ASIC3: variants seen among roughly 807,000 people sequenced by gnomAD.
ASIC3 encodes the protein acid sensing ion channel subunit 3, also known as acid-sensing ion channel 3.
In ASIC3, 46 loss-of-function variants were observed where a neutral mutation model predicts 58.6. The observed-to-expected ratio is 0.79, with a 90% CI of 0.62 to 1.00. The LOEUF (loss-of-function observed/expected upper bound fraction) is 1.00, where lower values mean the gene tolerates loss of function less well. Among genes scored for constraint, ASIC3 ranks in the 50% least tolerant of loss-of-function variants. The pLI, the probability that ASIC3 is intolerant of heterozygous loss-of-function variation, is 0.00. For synonymous variants in ASIC3, 336 were observed against 300.2 expected (o/e 1.12, Z -1.23); for missense variants, 770 against 735.0 (o/e 1.05, Z -0.55).
chr7:151,049,558 A>AC (rs1796717658), intron 1 of ASIC3, 139 bp downstream of exon 1: 9 of 1,033,938 alleles, frequency 8.7e-6, no homozygotes, highest in African/African-American at 6.5e-5. Context: ...TGGACTCCCC[A>AC]CCCCCCAGTG....
chr7:151,051,135 C>T (rs1796765624), intron 5 of ASIC3, 37 bp from the exon 6 acceptor site: 4 of 1,599,936 alleles, frequency 2.5e-6, no homozygotes, highest in Admixed American at 1.7e-5. Context: ...CGCCCCGCTC[C>T]GCCCGCGGGC....
intron 6 of ASIC3, among the ~76,000 whole-genome samples, chr7:151,051,531 CCTTTT>C (rs1175683382): frequency 8.4e-5 from 12 of 142,402 alleles, no homozygotes; most frequent in Non-Finnish European, 1.5e-4. Context: ...TTTTTCCTTT[CCTTTT>C]ATTTTTTAAT....
At position 151,049,252 on chromosome 7, in the gene ASIC3, G is replaced by T; in HGVS notation, c.367G>T (p.Ala123Ser). 1 of 1,612,000 alleles carries T rather than the reference G, an allele frequency of 6.2e-7. No individual in the cohort carries two copies. ...GCTGGGCCTGGATCCCGCAGAGCAC[G>T]CCGCCTTCCTGCGCGCCCTGGGCCG... ...ALLGLDPAEH[A>S]AFLRALGRPP... The change falls in exon 1 of 11, where the codon GCC becomes TCC. Residue 123 changes from alanine (A) to serine (S), a missense_variant. Ala to Ser is a moderately conservative substitution (Grantham distance 99). Coordinates refer to ENST00000349064, the MANE Select transcript of ASIC3 (RefSeq NM_004769.4).
intron 1 of ASIC3, among the ~76,000 whole-genome samples, chr7:151,049,650 G>A (rs1374704119): frequency 6.6e-6 from 1 of 152,192 alleles, no homozygotes; most frequent in Non-Finnish European, 1.5e-5. Context: ...AGGCCACACT[G>A]ACCCCGGCTG....
intron 5 of ASIC3, 27 bp from the exon 6 acceptor site, chr7:151,051,145 C>T: frequency 6.3e-7 from 1 of 1,597,710 alleles, no homozygotes; most frequent in Middle Eastern, 1.7e-4. Flanking sequence ...CGCCCGCGGG[C>T]GTCTGACGCG....
chr7:151,051,393 G>C, intron 6 of ASIC3, 74 bp downstream of exon 6: 1 of 1,402,550 alleles, frequency 7.1e-7, no homozygotes, highest in Non-Finnish European at 9.2e-7. Flanking sequence ...AGGCCAGGCC[G>C]TAGCCCTAGT....
intron 6 of ASIC3, 148 bp downstream of exon 6, chr7:151,051,467 C>T: frequency 9.4e-7 from 1 of 1,066,902 alleles, no homozygotes; most frequent in Non-Finnish European, 1.3e-6. Context: ...GTGCTGGTTG[C>T]TTAATCTTTC....
Position 151,051,172 on chromosome 7 carries a change from A to T in ASIC3, c.1067A>T (p.Asp356Val). ...TCTGACGCGGCCCGGTGGCCCGCAG[A>T]TGCCATGCTTCGCAAGGACTCGTGC... ...QYKNCAHPAI[D>V]AMLRKDSCAC... Residue 356 changes from aspartate to valine, a missense_variant and splice_region_variant, in exon 6 of 11, where the codon GAT becomes GTT. Coordinates refer to ENST00000349064, the MANE Select transcript of ASIC3 (RefSeq NM_004769.4). 3 of 1,594,942 alleles carry T rather than the reference A, an allele frequency of 1.9e-6. No individual in the cohort carries two copies. In the East Asian group the frequency reaches 6.8e-5, roughly 36 times the overall value.
rs1448134162 is a variant in ASIC3 at position 151,051,179 on chromosome 7, G to A, written c.1074G>A (p.Met358Ile). 1 of 1,593,818 alleles carries A rather than the reference G, an allele frequency of 6.3e-7. No individual in the cohort carries two copies. The highest frequency in any genetic ancestry group is 1.1e-5 in the South Asian group (1 of 89,788). Reference protein sequence around the residue: ...KNCAHPAIDAMLRKDSCACPN... With the variant: ...KNCAHPAIDAILRKDSCACPN... Reference sequence around the variant, plus strand: ...CGGCCCGGTGGCCCGCAGATGCCATGCTTCGCAAGGACTCGTGCGCCTGCC... The same window carrying A: ...CGGCCCGGTGGCCCGCAGATGCCATACTTCGCAAGGACTCGTGCGCCTGCC... Residue 358 changes from methionine to isoleucine, a missense_variant, in exon 6 of 11, where the codon ATG (methionine) becomes ATA (isoleucine). Coordinates refer to ENST00000349064, the MANE Select transcript of ASIC3 (RefSeq NM_004769.4).
chr7:151,049,198 A>T lies in ASIC3; in HGVS notation c.313A>T (p.Asn105Tyr). 6.2e-7 allele frequency: 1 copy of T among 1,613,366 alleles called. No homozygotes were observed. Among genetic ancestry groups the T allele is most frequent in the Non-Finnish European group, 8.5e-7 (1 of 1,179,702 alleles). ...NPLRRSRLTP[N>Y]DLHWAGSALL... ...ACTGCGCCGCTCGCGCCTAACGCCC[A>T]ACGACCTGCACTGGGCTGGGTCTGC... is the stretch of plus-strand genomic sequence containing the variant. Residue 105 changes from asparagine to tyrosine, a missense_variant, in exon 1 of 11, where the codon AAC (asparagine) becomes TAC (tyrosine). Asn to Tyr is a moderately radical substitution (Grantham distance 143, BLOSUM62 -2). Coordinates refer to ENST00000349064, the MANE Select transcript of ASIC3 (RefSeq NM_004769.4).
rs1346910748 is a variant in ASIC3, at chr7:151,048,962, T to C, written c.77T>C (p.Met26Thr). The C allele has an allele frequency of 6.2e-7, 1 of 1,600,788 alleles. No homozygotes were observed. Among genetic ancestry groups the C allele is most frequent in the African/African-American group, 1.3e-5 (1 of 74,828 alleles). Residue 26 changes from methionine to threonine, a missense_variant, in exon 1 of 11, where the codon ATG becomes ACG. Coordinates refer to ENST00000349064, the MANE Select transcript of ASIC3 (RefSeq NM_004769.4). The stretch of plus-strand genomic sequence containing the variant: ...CGCGTGTTCGCCAGCAACTGCTCGA[T>C]GCACGGGCTGGGCCACGTCTTCGGG... The part of the protein sequence containing the change: ...DIRVFASNCS[M>T]HGLGHVFGPG...
At position 151,049,084 on chromosome 7, in the gene ASIC3, T is replaced by TA. The variant is rs1361936095; in HGVS notation, c.200dup (p.Tyr67Ter). ...CCAGGTGGCTGAGAGGGTGCGCTAC[T>TA]ACAGGGAGTTCCACCACCAGACTGC... ...LYQVAERVRY[Y>*]REFHHQTALD... Residue 67 changes from tyrosine to a stop codon, truncating the protein, a stop_gained and frameshift_variant, in exon 1 of 11, where the codon TAC becomes TAAC. Coordinates refer to ENST00000349064, the MANE Select transcript of ASIC3 (RefSeq NM_004769.4). LOFTEE classifies it high-confidence loss of function. 1.9e-6 allele frequency: 3 copies of TA among 1,613,776 alleles called. No individual in the cohort carries two copies. In the African/African-American group the frequency reaches 4.0e-5, roughly 22 times the overall value.
In ASIC3 at chr7:151,051,975, C is replaced by T. The variant is rs151249670; in HGVS notation, c.1307-8C>T. ...GCTGTAAGTTGAAGGGTGACCCTGTCTCCACAGGTGACATTGGGGGCCAGA... is the reference window on the plus strand; with the variant it reads ...GCTGTAAGTTGAAGGGTGACCCTGTTTCCACAGGTGACATTGGGGGCCAGA... On this transcript the variant is annotated splice_region_variant and splice_polypyrimidine_tract_variant and intron_variant, in intron 7 of 10. Transcript: ENST00000349064. 41 of 1,613,368 alleles carry T rather than the reference C, an allele frequency of 2.5e-5. No individual in the cohort carries two copies. In the African/African-American group the frequency reaches 5.5e-4, roughly 22 times the overall value.
At position 151,051,041 on chromosome 7, in the gene ASIC3, G is replaced by T. The variant is rs374468932; in HGVS notation, c.1012G>T (p.Asp338Tyr). Residue 338 changes from aspartate to tyrosine, a missense_variant and splice_region_variant, in exon 5 of 11, where the codon GAC becomes TAC. Asp to Tyr is a radical substitution (Grantham distance 160). Coordinates refer to ENST00000349064, the MANE Select transcript of ASIC3 (RefSeq NM_004769.4). The stretch of plus-strand genomic sequence containing the variant: ...AGCCATCTCCCCGGTACCCGCAGGC[G>T]ACGTGCCAGTGTGCAGCCCCCAGCA... ...CGCRMVYMPG[D>Y]VPVCSPQQYK... 8 of 1,613,174 alleles carry T rather than the reference G, an allele frequency of 5.0e-6. No homozygotes were observed. Among genetic ancestry groups the T allele is most frequent in the Non-Finnish European group, 6.8e-6 (8 of 1,180,008 alleles).
Position 151,050,235 on chromosome 7 carries a change from C to A in ASIC3, c.664C>A (p.Leu222Ile), listed in dbSNP as rs1360606374. 1.2e-6 allele frequency: 2 copies of A among 1,613,778 alleles called. No individual in the cohort carries two copies. Among genetic ancestry groups the A allele is most frequent in the Non-Finnish European group, 1.7e-6 (2 of 1,179,778 alleles). The change falls in exon 2 of 11, where the codon CTA becomes ATA. Residue 222 changes from leucine (L) to isoleucine (I), a missense_variant. By Grantham distance (5) the Leu-to-Ile change is conservative. Transcript: ENST00000349064. ...IMLDVQQEEY[L>I]PVWRDNEETP... Reference sequence around the variant, plus strand: ...GCTGGACGTGCAGCAGGAGGAATATCTACCTGTGTGGAGGGACAATGGTAG... The same window carrying A: ...GCTGGACGTGCAGCAGGAGGAATATATACCTGTGTGGAGGGACAATGGTAG...
chr7:151,051,806 T>G lies in ASIC3; in HGVS notation c.1215-4T>G. The G allele has an allele frequency of 6.2e-7, 1 of 1,613,056 alleles. No homozygotes were observed. The highest frequency in any genetic ancestry group is 8.5e-7 in the Non-Finnish European group (1 of 1,179,966). On this transcript the variant is annotated splice_polypyrimidine_tract_variant and splice_region_variant and intron_variant, in intron 6 of 10. Transcript: ENST00000349064. ...CCCACATTTGAGGCCATTCTTGTCCTCAGGGAGAACGTGCTGGCCCTGGAC... is the reference window on the plus strand; with the variant it reads ...CCCACATTTGAGGCCATTCTTGTCCGCAGGGAGAACGTGCTGGCCCTGGAC...
chr7:151,051,129 C>A, intron 5 of ASIC3, 34 bp downstream of exon 5: 1 of 1,601,138 alleles, frequency 6.2e-7, no homozygotes, highest in African/African-American at 1.3e-5. Flanking sequence ...CCCGTCCGCC[C>A]CGCTCCGCCC....
At chr7:151,051,622 G>A (rs1470340078) in intron 6 of ASIC3, among the ~76,000 whole-genome samples, 188 bp from the exon 7 acceptor site, 1 of 151,926 alleles carries the variant, frequency 6.6e-6, no homozygotes, top group South Asian at 2.1e-4. Context: ...GCCCAGGCTG[G>A]TCTCAAACTC....
intron 6 of ASIC3, among the ~76,000 whole-genome samples, 155 bp from the exon 7 acceptor site, chr7:151,051,655 T>C (rs1666760320): frequency 6.6e-6 from 1 of 151,904 alleles, no homozygotes; most frequent in Non-Finnish European, 1.5e-5. Context: ...TCCTCCCTCC[T>C]CATCCTCCCA....
Sources: allele counts gnomAD v4.1 joint callset (sites outside exome capture counted in the v4.1 genomes callset), GRCh38; gene constraint gnomAD v4.1.1; transcripts MANE v1.5; gene names NCBI Gene and HGNC (gene_info 2026-07-23, HGNC 2026-07-21).